Variants in CCDC63 observed in about 807,000 individuals in gnomAD.
CCDC63 encodes the protein coiled-coil domain containing 63.
Under a neutral mutation model 63.6 loss-of-function variants are expected in CCDC63, and 54 were observed. That is an observed-to-expected ratio of 0.85 (90% CI 0.68 to 1.07). CCDC63 has a LOEUF of 1.07. Ranked by LOEUF, CCDC63 falls within the 50% of genes least tolerant of loss-of-function variation. The pLI, the probability that CCDC63 is intolerant of heterozygous loss-of-function variation, is 0.00. For missense variants in CCDC63, 637 were observed against 689.6 expected (o/e 0.92, Z 0.86); for synonymous variants, 253 against 266.1 (o/e 0.95, Z 0.48).
intron 4 of CCDC63, among the ~76,000 whole-genome samples, chr12:110,869,712 C>T (rs1045793451): frequency 7.2e-5 from 11 of 151,976 alleles, no homozygotes; most frequent in South Asian, 2.1e-4. Flanking sequence ...GCTGGCATTA[C>T]GAGGGTATAG....
rs1400608929 is a variant in CCDC63 at position 110,893,158 on chromosome 12, C to A, written c.1149+8C>A. On this transcript the variant is annotated splice_region_variant and intron_variant, in intron 9 of 11. Coordinates refer to ENST00000308208, the MANE Select transcript of CCDC63 (RefSeq NM_152591.3). ...GTCCTGAGACAGCTGGAGGTGAGAA[C>A]AGGATCGGGAGGGAGGGATGCGGGA... 8 of 1,612,104 alleles carry A rather than the reference C, an allele frequency of 5.0e-6. No individual in the cohort carries two copies. In the East Asian group the frequency reaches 1.8e-4, roughly 36 times the overall value.
chr12:110,890,137 A>T (rs1250378785), intron 8 of CCDC63, among the ~76,000 whole-genome samples: 2 of 152,058 alleles, frequency 1.3e-5, no homozygotes, highest in Non-Finnish European at 2.9e-5. Context: ...TACAAAAAAT[A>T]CAAGACACAA....
chr12:110,848,806 T>C (rs1593629346), intron 1 of CCDC63, among the ~76,000 whole-genome samples: 1 of 152,154 alleles, frequency 6.6e-6, no homozygotes, highest in East Asian at 1.9e-4. Context: ...ACCCAGTTCA[T>C]GTTATTAAGA....
rs573564509 is a variant in CCDC63, at chr12:110,904,590, A to G, written c.1345A>G (p.Ile449Val). ...TDINLPQYFA[I>V]IEKKTNDLLL... ...TGGTCCTGCTTCTTGTTCTCCAGCC[A>G]TCATTGAAAAGAAGACCAACGACCT... Residue 449 changes from isoleucine (I) to valine (V), a missense_variant and splice_region_variant, in exon 11 of 12, where the codon ATC becomes GTC. Physicochemically the swap from Ile to Val is conservative, Grantham distance 29. Coordinates refer to ENST00000308208, the MANE Select transcript of CCDC63 (RefSeq NM_152591.3). 18 of 1,613,918 alleles carry G rather than the reference A, an allele frequency of 1.1e-5. No homozygotes were observed. In the South Asian group the frequency reaches 1.6e-4, roughly 15 times the overall value.
In CCDC63 at chr12:110,866,309, C is replaced by CTTTTTTTT. The variant is rs67350855; in HGVS notation, c.370-7525_370-7518dup. On this transcript the variant is annotated intron_variant, in intron 4 of 11. Transcript: ENST00000308208. ...TAAACCGTAATTTGCTTAAGCCACT[C>CTTTTTTTT]TTTTTTTTTTTTTTTAATTTATTTT... Among the ~76,000 whole-genome samples, 1,219 of 136,898 alleles carry CTTTTTTTT rather than the reference C, an allele frequency of 8.9e-3. 57 individuals carry two copies. Among genetic ancestry groups the CTTTTTTTT allele is most frequent in the Admixed American group, 0.077 (1,032 of 13,348 alleles). 89.8% of individuals were successfully genotyped at this position (136,898 alleles called of 152,430 possible). A position where few individuals can be genotyped will look rare whatever the true frequency, so the allele number is the denominator to read the frequency against.
At position 110,863,443 on chromosome 12, in the gene CCDC63, G is replaced by T. The variant is rs186817126; in HGVS notation, c.369+4668G>T. On this transcript the variant is annotated intron_variant, in intron 4 of 11. Transcript: ENST00000308208. ...AGGAAAGGTTGGACTGCAAGTAACA[G>T]AATTCTCAAGAGGTATTAATTGAGA... Among the ~76,000 whole-genome samples the T allele has an allele frequency of 2.2e-4, 34 of 152,242 alleles. No homozygotes were observed. The East Asian group carries it at 5.8e-3, about 26-fold the overall frequency.
rs757639840 is a variant in CCDC63, at chr12:110,884,186, T to C, written c.1010T>C (p.Phe337Ser). Residue 337 changes from phenylalanine to serine, a missense_variant, in exon 8 of 12, where the codon TTC becomes TCC. Physicochemically the swap from Phe to Ser is radical, Grantham distance 155. Transcript: ENST00000308208. ...LAKEEKNFARFTYVTELNNDM... is the reference protein window; with the variant it reads ...LAKEEKNFARSTYVTELNNDM... ...AAGGAGGAGAAGAATTTTGCTCGGTTCACGTATGTCACGGAGCTCAACAAC... is the reference window on the plus strand; with the variant it reads ...AAGGAGGAGAAGAATTTTGCTCGGTCCACGTATGTCACGGAGCTCAACAAC... 1 of 1,614,114 alleles carries C rather than the reference T, an allele frequency of 6.2e-7. No homozygotes were observed.
rs553378636 is a variant in CCDC63 at position 110,903,684 on chromosome 12, C to CA, written c.1343-903dup. 1.6e-4 allele frequency among the ~76,000 whole-genome samples: 24 copies of CA among 152,342 alleles called. No individual in the cohort carries two copies. The East Asian group carries it at 4.2e-3, about 27-fold the overall frequency. On this transcript the variant is annotated intron_variant, in intron 10 of 11. Transcript: ENST00000308208. ...GTGACTGCATGGGGCTATGGAGCTA[C>CA]AGTGCAAGGGGATGTCCCCTGAATG...
chr12:110,856,892 A>G (rs926589426), intron 3 of CCDC63, among the ~76,000 whole-genome samples: 2 of 134,472 alleles, frequency 1.5e-5, no homozygotes, highest in Non-Finnish European at 3.1e-5. Context: ...TGTGTCTCCC[A>G]GGCTGGAATG....
At chr12:110,891,652 A>AAAG (rs1370674626) in intron 8 of CCDC63, among the ~76,000 whole-genome samples, 1 of 151,224 alleles carries the variant, frequency 6.6e-6, no homozygotes, top group African/African-American at 2.4e-5. Context: ...AAAAAAAAAA[A>AAAG]AAAGAAGAAG....
intron 10 of CCDC63, among the ~76,000 whole-genome samples, chr12:110,901,147 T>A (rs988184793): frequency 1.2e-4 from 19 of 152,334 alleles, no homozygotes; most frequent in African/African-American, 2.9e-4. Context: ...AAATTTTTTT[T>A]AAATTTTGTG....
intron 4 of CCDC63, among the ~76,000 whole-genome samples, chr12:110,871,850 G>A (rs2071072958): frequency 6.6e-6 from 1 of 152,050 alleles, no homozygotes; most frequent in Admixed American, 6.6e-5. Context: ...TCTGCATATA[G>A]AATTGCATCT....
At chr12:110,869,273 C>T (rs1433665814) in intron 4 of CCDC63, among the ~76,000 whole-genome samples, 3 of 152,204 alleles carry the variant, frequency 2.0e-5, no homozygotes, top group African/African-American at 7.2e-5. Context: ...AGACTATCCT[C>T]ATCAAGCCAC....
In CCDC63 at chr12:110,884,809, C is replaced by G. The variant is rs573752473; in HGVS notation, c.1074+559C>G. The stretch of plus-strand genomic sequence containing the variant: ...TCAAGAGATTCTCCTGCCTCAGCCT[C>G]TGGAGTAGCTGGGACTACAGGTGCC... On this transcript the variant is annotated intron_variant, in intron 8 of 11. Transcript: ENST00000308208. Among the ~76,000 whole-genome samples, 7 of 151,442 alleles carry G rather than the reference C, an allele frequency of 4.6e-5. No individual in the cohort carries two copies. The South Asian group carries it at 1.2e-3, about 27-fold the overall frequency.
At chr12:110,874,723 G>A (rs2071109243) in intron 5 of CCDC63, among the ~76,000 whole-genome samples, 1 of 152,178 alleles carries the variant, frequency 6.6e-6, no homozygotes, top group Non-Finnish European at 1.5e-5. Context: ...TGGGTCATGT[G>A]CCCATTTCTG....
At chr12:110,855,934 T>C (rs888535988) in intron 3 of CCDC63, among the ~76,000 whole-genome samples, 8 of 152,066 alleles carry the variant, frequency 5.3e-5, no homozygotes, top group African/African-American at 2.4e-5. Flanking sequence ...GAAGCACTTT[T>C]CCCCAGCACC....
intron 10 of CCDC63, among the ~76,000 whole-genome samples, chr12:110,903,125 C>G (rs1441709575): frequency 6.6e-6 from 1 of 152,070 alleles, no homozygotes; most frequent in Non-Finnish European, 1.5e-5. Flanking sequence ...GATCTACCCG[C>G]CTTGGCTTCC....
chr12:110,884,247 C>G lies in CCDC63; in HGVS notation c.1071C>G (p.Ile357Met). The change falls in exon 8 of 12, where the codon ATC becomes ATG. Residue 357 changes from isoleucine to methionine, a missense_variant. Coordinates refer to ENST00000308208, the MANE Select transcript of CCDC63 (RefSeq NM_152591.3). ...TGATGCACAAGAGGACCCAACGAATCCAGGTCAGGGCGGCTCTGCTTTCCC... is the reference window on the plus strand; with the variant it reads ...TGATGCACAAGAGGACCCAACGAATGCAGGTCAGGGCGGCTCTGCTTTCCC... ...MEMMHKRTQR[I>M]QDEIILLRSQ... 1 of 1,613,692 alleles carries G rather than the reference C, an allele frequency of 6.2e-7. No individual in the cohort carries two copies. The highest frequency in any genetic ancestry group is 8.5e-7 in the Non-Finnish European group (1 of 1,179,672).
At chr12:110,851,982 C>G (rs7316124) in intron 1 of CCDC63, among the ~76,000 whole-genome samples, 3,924 of 152,192 alleles carry the variant, frequency 0.026, 183 homozygotes, top group African/African-American at 0.089. Context: ...CATTGCAGGA[C>G]CCTCAATGGT....
Sources: allele counts gnomAD v4.1 joint callset (sites outside exome capture counted in the v4.1 genomes callset), GRCh38; gene constraint gnomAD v4.1.1; transcripts MANE v1.5; gene names NCBI Gene and HGNC (gene_info 2026-07-23, HGNC 2026-07-21).